Variants in PALLD observed in about 807,000 individuals in gnomAD.
PALLD encodes the protein palladin.
Under a neutral mutation model 123.5 loss-of-function variants are expected in PALLD, and 61 were observed. The observed-to-expected ratio is 0.49, with a 90% CI of 0.40 to 0.61. The LOEUF is 0.61. Among genes scored for constraint, PALLD ranks in the 20% least tolerant of loss-of-function variants. The probability of loss-of-function intolerance (pLI) is 0.00; values close to 1 mark genes in which losing one functional copy is unlikely to be tolerated. For synonymous variants in PALLD, 465 were observed against 496.4 expected (o/e 0.94, Z 0.84); for missense variants, 1,273 against 1,377.0 (o/e 0.92, Z 1.20).
At chr4:168,554,832 A>G (rs1348124244) in intron 2 of PALLD, among the ~76,000 whole-genome samples, 1 of 152,164 alleles carries the variant, frequency 6.6e-6, no homozygotes, top group Non-Finnish European at 1.5e-5. Context: ...CTTCACTGAT[A>G]TTTTAAAGAA....
chr4:168,850,500 T>C (rs1454713301), intron 10 of PALLD, among the ~76,000 whole-genome samples: 2 of 149,424 alleles, frequency 1.3e-5, no homozygotes, highest in African/African-American at 2.5e-5. Flanking sequence ...TTCTCACTTA[T>C]ATAATTTGTA....
At chr4:168,700,067 A>G in intron 8 of PALLD, 1 of 334,404 alleles carries the variant, frequency 3.0e-6, no homozygotes, top group Non-Finnish European at 6.0e-6. Flanking sequence ...ATGAAAATTC[A>G]GTATTACAAC....
intron 2 of PALLD, among the ~76,000 whole-genome samples, chr4:168,532,088 A>G (rs1764657168): frequency 6.6e-6 from 1 of 151,976 alleles, no homozygotes; most frequent in Admixed American, 6.6e-5. Flanking sequence ...GCTTCCTCCC[A>G]TCCTTCACCC....
Position 168,697,024 on chromosome 4 carries a change from T to TTCC in PALLD, c.1501+5733_1501+5735dup, listed in dbSNP as rs201212294. Among the ~76,000 whole-genome samples, 1,302 of 152,248 alleles carry TTCC rather than the reference T, an allele frequency of 8.6e-3. 14 individuals carry two copies. Among genetic ancestry groups the TTCC allele is most frequent in the African/African-American group, 0.03 (1,239 of 41,532 alleles). On this transcript the variant is annotated intron_variant, in intron 8 of 21. Coordinates refer to ENST00000505667, the MANE Select transcript of PALLD (RefSeq NM_001166108.2). ...GGCACGTCATCATGAAATTCAGAATTTCCAGGACAAGGAGATCATGTTATA... is the reference window on the plus strand; with the variant it reads ...GGCACGTCATCATGAAATTCAGAATTTCCTCCAGGACAAGGAGATCATGTTATA...
chr4:168,914,511 C>T (rs1471969016), intron 16 of PALLD, among the ~76,000 whole-genome samples: 1 of 152,200 alleles, frequency 6.6e-6, no homozygotes, highest in Non-Finnish European at 1.5e-5. Context: ...TAAGATCTGT[C>T]ACATTTTAAA....
intron 10 of PALLD, among the ~76,000 whole-genome samples, chr4:168,775,862 T>C (rs57481786): frequency 0.021 from 3,232 of 152,302 alleles, 109 homozygotes; most frequent in African/African-American, 0.074. Flanking sequence ...TGTGAGTCTG[T>C]TTCTGGACTC....
rs1766928455 is a variant in PALLD, at chr4:168,553,242, A to G, written c.908+40830A>G. ...ATATGTAAGAGAAGGAACCACAGCC[A>G]TGAAGGGACTCAAAACGACTGTGAG... On this transcript the variant is annotated intron_variant, in intron 2 of 21. Transcript: ENST00000505667. 1.3e-5 allele frequency among the ~76,000 whole-genome samples: 2 copies of G among 151,012 alleles called. 1 individual carries two copies. Among genetic ancestry groups the G allele is most frequent in the Admixed American group, 1.3e-4 (2 of 15,146 alleles).
In PALLD at chr4:168,556,781, G is replaced by A. The variant is rs367693693; in HGVS notation, c.908+44369G>A. Among the ~76,000 whole-genome samples, 119 of 152,316 alleles carry A rather than the reference G, an allele frequency of 7.8e-4. 2 individuals are homozygous for A. Among genetic ancestry groups the A allele is most frequent in the African/African-American group, 2.6e-3 (107 of 41,570 alleles). On this transcript the variant is annotated intron_variant, in intron 2 of 21. Transcript: ENST00000505667. Reference sequence around the variant, plus strand: ...ATTTGTGCTAGAGAAAAAGATGGGAGGAAAAGTGTCACACCTTGGGGCTGC... The same window carrying A: ...ATTTGTGCTAGAGAAAAAGATGGGAAGAAAAGTGTCACACCTTGGGGCTGC...
intron 10 of PALLD, among the ~76,000 whole-genome samples, chr4:168,887,400 C>A (rs762615073): frequency 6.6e-6 from 1 of 152,154 alleles, no homozygotes; most frequent in African/African-American, 2.4e-5. Flanking sequence ...ACCAGTTCTC[C>A]GCTCCTCCGA....
intron 10 of PALLD, among the ~76,000 whole-genome samples, chr4:168,835,668 T>C (rs1036965511): frequency 7.4e-6 from 1 of 134,840 alleles, no homozygotes; most frequent in African/African-American, 2.6e-5. Context: ...AGATGGTAGA[T>C]GAGAAATGTT....
chr4:168,908,227 G>C (rs1309501577), intron 15 of PALLD, among the ~76,000 whole-genome samples: 1 of 152,140 alleles, frequency 6.6e-6, no homozygotes, highest in Non-Finnish European at 1.5e-5. Context: ...GCAGATATAA[G>C]TTCTGTGAGT....
At chr4:168,792,486 C>G (rs1737674513) in intron 10 of PALLD, among the ~76,000 whole-genome samples, 1 of 152,088 alleles carries the variant, frequency 6.6e-6, no homozygotes. Context: ...TTCCTCTCGC[C>G]TACCCAAAAT....
intron 10 of PALLD, among the ~76,000 whole-genome samples, chr4:168,872,807 G>A (rs913342677): frequency 1.3e-5 from 2 of 152,160 alleles, no homozygotes; most frequent in African/African-American, 4.8e-5. Flanking sequence ...CCTAGCTTCT[G>A]TGATATGAAG....
Position 168,565,708 on chromosome 4 carries a change from A to G in PALLD, c.908+53296A>G, listed in dbSNP as rs368439678. Reference sequence around the variant, plus strand: ...AAGCTCAATTCTGCTTCATGGTATTACTAGTTTATTAGTGAATAATATACT... The same window carrying G: ...AAGCTCAATTCTGCTTCATGGTATTGCTAGTTTATTAGTGAATAATATACT... On this transcript the variant is annotated intron_variant, in intron 2 of 21. Transcript: ENST00000505667. Among the ~76,000 whole-genome samples the G allele has an allele frequency of 1.9e-3, 285 of 152,290 alleles. 1 individual carries two copies. Among genetic ancestry groups the G allele is most frequent in the African/African-American group, 6.5e-3 (269 of 41,560 alleles).
In PALLD at chr4:168,844,807, A is replaced by T. The variant is rs1746568002; in HGVS notation, c.1965-46115A>T. On this transcript the variant is annotated intron_variant, in intron 10 of 21. Transcript: ENST00000505667. This position sits in a 1 kb window ranked among gnomAD's most constrained non-coding sequence, Gnocchi z 4.5. ...CACATCCAGTATCATTTATTCAGCA[A>T]ACATGTACTGAGTTTGTTTTGTGCT... 1 of 152,342 alleles carries T rather than the reference A, an allele frequency of 6.6e-6. No homozygotes were observed. The highest frequency in any genetic ancestry group is 2.1e-4 in the South Asian group (1 of 4,830). 9.4% of individuals were successfully genotyped at this position (152,342 alleles called of 1,614,324 possible). A position where few individuals can be genotyped will look rare whatever the true frequency, so the allele number is the denominator to read the frequency against.
At chr4:168,540,505 A>G (rs1765510224) in intron 2 of PALLD, among the ~76,000 whole-genome samples, 2 of 152,192 alleles carry the variant, frequency 1.3e-5, no homozygotes, top group African/African-American at 4.8e-5. Context: ...TTGAAGGGCC[A>G]TGTCGAATGG....
intron 10 of PALLD, among the ~76,000 whole-genome samples, chr4:168,813,054 C>T (rs1741392226): frequency 6.6e-6 from 1 of 151,868 alleles, no homozygotes; most frequent in Non-Finnish European, 1.5e-5. Flanking sequence ...GCTCAGTGTC[C>T]CTGTGGTTCT....
chr4:168,903,915 G>A lies in PALLD; in HGVS notation c.2622+9G>A, dbSNP rs769517051. ...TGGCTGCAAACCCTCAGGTAAAGAAGGGTATAGGTCTGGGCTCAGTTCTGT... is the reference window on the plus strand; with the variant it reads ...TGGCTGCAAACCCTCAGGTAAAGAAAGGTATAGGTCTGGGCTCAGTTCTGT... On this transcript the variant is annotated intron_variant, in intron 15 of 21. Coordinates refer to ENST00000505667, the MANE Select transcript of PALLD (RefSeq NM_001166108.2). 1.2e-5 allele frequency: 19 copies of A among 1,613,214 alleles called. No individual in the cohort carries two copies. In the South Asian group the frequency reaches 2.1e-4, roughly 18 times the overall value.
intron 2 of PALLD, chr4:168,537,500 G>A (rs975358397): frequency 1.3e-5 from 2 of 152,156 alleles, no homozygotes; most frequent in African/African-American, 4.8e-5. Flanking sequence ...AAAGTGCCAT[G>A]TATCACTTTG....
Sources: gnomAD v4.1 joint callset for allele counts (sites outside exome capture counted in the v4.1 genomes callset) on GRCh38, gnomAD v4.1.1 for gene constraint, Gnocchi (gnomAD v3.1) non-coding constraint, MANE v1.5 for transcripts, NCBI Gene and HGNC (gene_info 2026-07-23, HGNC 2026-07-21) for gene names.